MELK: variants seen among roughly 807,000 people sequenced by gnomAD.
MELK encodes the protein pEg3 kinase.
MELK carries 81 observed loss-of-function variants against 85.0 expected under a neutral mutation model. That is an observed-to-expected ratio of 0.95 (90% CI 0.80 to 1.15). MELK has a LOEUF of 1.15. MELK is among the 50% of genes most tolerant of loss of function. The pLI, the probability that MELK is intolerant of heterozygous loss-of-function variation, is 0.00. For synonymous variants in MELK, 252 were observed against 265.0 expected (o/e 0.95, Z 0.48); for missense variants, 754 against 777.5 (o/e 0.97, Z 0.36).
At chr9:36,647,646 A>G (rs1275302974) in intron 11 of MELK, among the ~76,000 whole-genome samples, 3 of 151,302 alleles carry the variant, frequency 2.0e-5, no homozygotes, top group African/African-American at 7.3e-5. Context: ...CTGCCACCAC[A>G]CCCAGCTAAT....
At chr9:36,636,107 A>G (rs553246575) in intron 10 of MELK, among the ~76,000 whole-genome samples, 2 of 152,118 alleles carry the variant, frequency 1.3e-5, no homozygotes, top group East Asian at 3.9e-4. Flanking sequence ...TTTTTTTCAA[A>G]CAAATGGCCA....
intron 8 of MELK, among the ~76,000 whole-genome samples, chr9:36,616,539 A>G (rs1252781047): frequency 6.6e-6 from 1 of 151,586 alleles, no homozygotes; most frequent in Non-Finnish European, 1.5e-5. Flanking sequence ...ACAGGCTCCC[A>G]CCACCGCGCC....
intron 3 of MELK, among the ~76,000 whole-genome samples, chr9:36,584,138 TG>T: frequency 6.6e-6 from 1 of 150,758 alleles, no homozygotes; most frequent in East Asian, 2.0e-4. Flanking sequence ...CCCGAGTTGC[TG>T]GGACTACAGG....
intron 6 of MELK, among the ~76,000 whole-genome samples, chr9:36,598,649 C>T (rs1192338827): frequency 1.3e-5 from 2 of 152,052 alleles, no homozygotes; most frequent in Non-Finnish European, 2.9e-5. Flanking sequence ...TAACATATTG[C>T]TTTTTTCCCT....
chr9:36,654,739 T>C (rs1831060005), intron 12 of MELK, among the ~76,000 whole-genome samples: 1 of 152,196 alleles, frequency 6.6e-6, no homozygotes, highest in Admixed American at 6.5e-5. Context: ...GAAATATATT[T>C]ACTCTTATCT....
In MELK at chr9:36,599,846, G is replaced by A. The variant is rs1044937774; in HGVS notation, c.567+360G>A. Among the ~76,000 whole-genome samples the A allele has an allele frequency of 7.9e-5, 12 of 152,120 alleles. No individual in the cohort carries two copies. In the South Asian group the frequency reaches 8.3e-4, roughly 10 times the overall value. ...TTAGCACAGAGAAAACCTGTGCTTC[G>A]TCCATCCAGAGCTGACTCTCCAAGG... On this transcript the variant is annotated intron_variant, in intron 7 of 17. Coordinates refer to ENST00000298048, the MANE Select transcript of MELK (RefSeq NM_014791.4).
In MELK at chr9:36,677,237, A is replaced by G; in HGVS notation, c.1856A>G (p.Gln619Arg). The change falls in exon 18 of 18, where the codon CAA becomes CGA. Residue 619 changes from glutamine to arginine, a missense_variant. By Grantham distance (43) the Gln-to-Arg change is conservative (BLOSUM62 1). Coordinates refer to ENST00000298048, the MANE Select transcript of MELK (RefSeq NM_014791.4). ...MQFELEVCQL[Q>R]KPDVVGIRRQ... ...TTTGAATTAGAAGTGTGCCAGCTTC[A>G]AAAACCCGATGTGGTGGGTATCAGG... The G allele has an allele frequency of 1.9e-6, 3 of 1,614,020 alleles. No homozygotes were observed. In the South Asian group the frequency reaches 3.3e-5, roughly 18 times the overall value.
intron 10 of MELK, among the ~76,000 whole-genome samples, chr9:36,635,580 C>G (rs146314104): frequency 6.6e-6 from 1 of 152,032 alleles, no homozygotes; most frequent in Non-Finnish European, 1.5e-5. Flanking sequence ...AATTTTATCA[C>G]TGCATTTGTA....
chr9:36,638,055 T>C (rs973077586), intron 10 of MELK, among the ~76,000 whole-genome samples: 3 of 152,142 alleles, frequency 2.0e-5, no homozygotes, highest in Non-Finnish European at 4.4e-5. Context: ...CAAATGCCTG[T>C]GTTCAGCCAT....
At chr9:36,588,450 G>A (rs1214039917) in intron 3 of MELK, among the ~76,000 whole-genome samples, 2 of 146,458 alleles carry the variant, frequency 1.4e-5, no homozygotes, top group Non-Finnish European at 3.0e-5. Flanking sequence ...CATGATCTCG[G>A]CTCACCGCAA....
At position 36,619,364 on chromosome 9, in the gene MELK, A is replaced by G. The variant is rs1827176435; in HGVS notation, c.667-10935A>G. Among the ~76,000 whole-genome samples the G allele has an allele frequency of 2.0e-5, 3 of 152,216 alleles. No homozygotes were observed. The South Asian group carries it at 6.2e-4, about 31-fold the overall frequency. Reference sequence around the variant, plus strand: ...ATTATTCTACCTGGAAATTACTTGAAGTTATGGGTATTCTGTGATGCTGAA... The same window carrying G: ...ATTATTCTACCTGGAAATTACTTGAGGTTATGGGTATTCTGTGATGCTGAA... On this transcript the variant is annotated intron_variant, in intron 8 of 17. Coordinates refer to ENST00000298048, the MANE Select transcript of MELK (RefSeq NM_014791.4).
intron 8 of MELK, 74 bp from the exon 9 acceptor site, chr9:36,630,225 C>T: frequency 4.7e-6 from 5 of 1,074,232 alleles, no homozygotes; most frequent in Non-Finnish European, 7.1e-6. Context: ...AGTAAACCTC[C>T]AGCATGTTAT....
chr9:36,655,561 A>C (rs1004002892), intron 12 of MELK, among the ~76,000 whole-genome samples: 3 of 152,182 alleles, frequency 2.0e-5, no homozygotes, highest in African/African-American at 7.2e-5. Flanking sequence ...ACTTTGTTCA[A>C]TAGTTAATGA....
chr9:36,669,729 A>T (rs1339424024), intron 15 of MELK, among the ~76,000 whole-genome samples: 1 of 152,148 alleles, frequency 6.6e-6, no homozygotes, highest in African/African-American at 2.4e-5. Context: ...AAATACAGAT[A>T]TCCTCTAACA....
At chr9:36,623,744 T>C (rs1827667313) in intron 8 of MELK, among the ~76,000 whole-genome samples, 1 of 152,264 alleles carries the variant, frequency 6.6e-6, no homozygotes, top group African/African-American at 2.4e-5. Context: ...TACAAGGCTT[T>C]TGGCCAATGT....
chr9:36,637,900 A>G (rs181892385), intron 10 of MELK, among the ~76,000 whole-genome samples: 3 of 152,324 alleles, frequency 2.0e-5, no homozygotes, highest in African/African-American at 7.2e-5. Context: ...CATCTTTAAT[A>G]TCTATTGAGC....
intron 8 of MELK, among the ~76,000 whole-genome samples, chr9:36,624,359 C>G (rs935277049): frequency 1.3e-5 from 2 of 152,104 alleles, no homozygotes; most frequent in Admixed American, 6.6e-5. Context: ...GGATTTGAAC[C>G]TAGCCAATTT....
At chr9:36,645,933 A>G (rs1230302062) in intron 11 of MELK, among the ~76,000 whole-genome samples, 2 of 152,128 alleles carry the variant, frequency 1.3e-5, no homozygotes, top group Non-Finnish European at 2.9e-5. Flanking sequence ...AGTGGTTCAT[A>G]TGGTTAGTAA....
Position 36,611,752 on chromosome 9 carries a change from CTATTAT to C in MELK, c.666+4111_666+4116del, listed in dbSNP as rs761980953. 4.8e-3 allele frequency among the ~76,000 whole-genome samples: 703 copies of C among 145,404 alleles called. 3 individuals are homozygous for C. Among genetic ancestry groups the C allele is most frequent in the African/African-American group, 0.012 (451 of 38,998 alleles). On this transcript the variant is annotated intron_variant, in intron 8 of 17. Coordinates refer to ENST00000298048, the MANE Select transcript of MELK (RefSeq NM_014791.4). ...TTAGAGTGGTGCTCAATAAATGTAG[CTATTAT>C]TATTATTATTATTATTATTATTATT... is the stretch of plus-strand genomic sequence containing the variant.
Sources: allele counts gnomAD v4.1 joint callset (sites outside exome capture counted in the v4.1 genomes callset), GRCh38; gene constraint gnomAD v4.1.1; transcripts MANE v1.5; gene names NCBI Gene and HGNC (gene_info 2026-07-23, HGNC 2026-07-21).